Variants in TFDP2 observed in about 807,000 individuals in gnomAD.
TFDP2 encodes transcription factor Dp-2 (E2F dimerization partner 2).
In TFDP2, 17 loss-of-function variants were observed where a neutral mutation model predicts 59.3. The observed-to-expected ratio is 0.29, with a 90% CI of 0.20 to 0.43. The LOEUF is 0.43. Ranked by LOEUF, TFDP2 falls within the 20% of genes least tolerant of loss-of-function variation. The probability of loss-of-function intolerance (pLI) is 1.00; values close to 1 mark genes in which losing one functional copy is unlikely to be tolerated. For missense variants in TFDP2, 391 were observed against 528.8 expected, an observed-to-expected ratio of 0.74 and a Z score of 2.56; for synonymous variants, 180 against 194.7, an observed-to-expected ratio of 0.92 and a Z score of 0.63.
chr3:142,069,209 C>T (rs764257450), intron 3 of TFDP2, among the ~76,000 whole-genome samples: 10 of 152,122 alleles, frequency 6.6e-5, no homozygotes, highest in East Asian at 1.9e-4. Context: ...ACACCGCGCG[C>T]GGTTTCTTTT....
At chr3:142,097,836 A>G (rs931610640) in intron 2 of TFDP2, among the ~76,000 whole-genome samples, 1 of 151,714 alleles carries the variant, frequency 6.6e-6, no homozygotes, top group African/African-American at 2.4e-5. Context: ...CCCAGGCTAG[A>G]GTGTAGTGGC....
In TFDP2 at chr3:141,992,214, G is replaced by A. The variant is rs182274548; in HGVS notation, c.356+1324C>T. ...TAGCAATCTTCGTGGTTTGACAGAC[G>A]GGTGGTGGGGATACATTACAGAAAA... On this transcript the variant is annotated intron_variant, in intron 6 of 12. Transcript: ENST00000489671. 4.4e-4 allele frequency among the ~76,000 whole-genome samples: 67 copies of A among 151,976 alleles called. 1 individual carries two copies. Among genetic ancestry groups the A allele is most frequent in the Middle Eastern group, 6.8e-3 (2 of 294 alleles).
chr3:142,020,255 G>C (rs1209696547), intron 3 of TFDP2, among the ~76,000 whole-genome samples: 1 of 152,152 alleles, frequency 6.6e-6, no homozygotes, highest in Non-Finnish European at 1.5e-5. Context: ...TAACTCTTGG[G>C]CCAGGGACGG....
chr3:142,137,825 T>C (rs1302858134), intron 1 of TFDP2, among the ~76,000 whole-genome samples: 1 of 152,182 alleles, frequency 6.6e-6, no homozygotes, highest in African/African-American at 2.4e-5. Context: ...AACAGGGATA[T>C]TGGTATAAAA....
At chr3:142,029,882 T>A (rs1191181201) in intron 3 of TFDP2, among the ~76,000 whole-genome samples, 1 of 152,232 alleles carries the variant, frequency 6.6e-6, no homozygotes, top group Non-Finnish European at 1.5e-5. Flanking sequence ...TCTCTGTCTT[T>A]CGTGAGCTTA....
chr3:141,948,656 T>C lies in TFDP2; in HGVS notation c.*3857A>G, dbSNP rs1315276763. ...CTGCTAATCCACACTCCCTCCAACA[T>C]ACACACTGTGTGCTGGAGGGAGCCT... On this transcript the variant is annotated 3_prime_UTR_variant, in exon 13 of 13. Transcript: ENST00000489671. 1.3e-5 allele frequency: 2 copies of C among 151,860 alleles called. No homozygotes were observed. The highest frequency in any genetic ancestry group is 1.9e-4 in the East Asian group (1 of 5,160). 9.4% of individuals were successfully genotyped at this position (151,860 alleles called of 1,614,324 possible).
At chr3:141,992,093 G>GGAAA (rs1006666158) in intron 6 of TFDP2, among the ~76,000 whole-genome samples, 19 of 128,568 alleles carry the variant, frequency 1.5e-4, no homozygotes, top group Non-Finnish European at 2.0e-4. Flanking sequence ...AAGGAAGGAA[G>GGAAA]GAAAGAAAGA....
chr3:142,073,654 A>C (rs941979999), intron 3 of TFDP2, among the ~76,000 whole-genome samples: 1 of 152,148 alleles, frequency 6.6e-6, no homozygotes, highest in African/African-American at 2.4e-5. Flanking sequence ...AGTAGACGTC[A>C]AGTTGAAGAA....
chr3:142,057,126 G>A (rs2059773384), intron 3 of TFDP2, among the ~76,000 whole-genome samples: 1 of 152,174 alleles, frequency 6.6e-6, no homozygotes, highest in Admixed American at 6.5e-5. Context: ...ATGAGGTGGT[G>A]GATCCAGAGG....
At chr3:141,973,223 G>T (rs868600061) in intron 8 of TFDP2, among the ~76,000 whole-genome samples, 2 of 150,844 alleles carry the variant, frequency 1.3e-5, no homozygotes, top group African/African-American at 2.4e-5. Context: ...AGGTTCAAGC[G>T]ATTCTCCTGC....
intron 4 of TFDP2, among the ~76,000 whole-genome samples, chr3:141,998,145 G>T (rs1231124152): frequency 1.3e-5 from 2 of 152,064 alleles, no homozygotes; most frequent in East Asian, 3.9e-4. Context: ...GAAAGATAAG[G>T]CCTAAGAGTA....
intron 1 of TFDP2, among the ~76,000 whole-genome samples, chr3:142,109,392 G>A (rs1212488044): frequency 2.0e-5 from 3 of 150,682 alleles, no homozygotes; most frequent in Non-Finnish European, 4.4e-5. Context: ...GCAACGGTGC[G>A]ATCTCGGCTC....
intron 10 of TFDP2, among the ~76,000 whole-genome samples, chr3:141,960,128 A>G (rs1229961843): frequency 6.6e-6 from 1 of 152,228 alleles, no homozygotes; most frequent in East Asian, 1.9e-4. Context: ...TAAATCCAGT[A>G]CTTCTCAAAG....
intron 9 of TFDP2, among the ~76,000 whole-genome samples, chr3:141,969,152 GATATAT>G (rs1249418860): frequency 1.5e-5 from 1 of 67,270 alleles, no homozygotes; most frequent in East Asian, 3.3e-4. Flanking sequence ...ATATATATGA[GATATAT>G]ATATAACATA....
At chr3:142,125,845 A>G (rs905389691) in intron 1 of TFDP2, among the ~76,000 whole-genome samples, 2 of 152,192 alleles carry the variant, frequency 1.3e-5, no homozygotes, top group African/African-American at 2.4e-5. Flanking sequence ...CTCTCATATC[A>G]TTTGTATTTT....
At chr3:142,135,915 T>C (rs866309735) in intron 1 of TFDP2, among the ~76,000 whole-genome samples, 2 of 152,096 alleles carry the variant, frequency 1.3e-5, no homozygotes, top group Non-Finnish European at 2.9e-5. Context: ...TTTGAGTATA[T>C]ACCCAGTGAT....
chr3:142,067,478 C>G (rs2060110327), intron 3 of TFDP2, among the ~76,000 whole-genome samples: 1 of 151,496 alleles, frequency 6.6e-6, no homozygotes, highest in Non-Finnish European at 1.5e-5. Flanking sequence ...CAAAGAAGAC[C>G]TAATTAATGT....
At chr3:142,054,859 A>G (rs1426825496) in intron 3 of TFDP2, among the ~76,000 whole-genome samples, 2 of 152,206 alleles carry the variant, frequency 1.3e-5, no homozygotes, top group African/African-American at 4.8e-5. Flanking sequence ...TTAGGGACAT[A>G]AGAGATGGTA....
chr3:142,027,253 CATTTT>C (rs1379859547), intron 3 of TFDP2, among the ~76,000 whole-genome samples: 3 of 150,802 alleles, frequency 2.0e-5, no homozygotes, highest in Non-Finnish European at 2.9e-5. Flanking sequence ...GTATGTTACT[CATTTT>C]GTTACTCTAT....
Sources: allele counts gnomAD v4.1 joint callset (sites outside exome capture counted in the v4.1 genomes callset), GRCh38; gene constraint gnomAD v4.1.1; transcripts MANE v1.5; gene names NCBI Gene and HGNC (gene_info 2026-07-23, HGNC 2026-07-21).